The following CALN1 variants were observed in gnomAD, a reference collection of about 807,000 sequenced individuals.
CALN1 encodes calneuron 1.
CALN1 carries 17 observed loss-of-function variants against 30.6 expected under a neutral mutation model. The observed-to-expected ratio is 0.56, with a 90% CI of 0.38 to 0.83. CALN1 has a LOEUF of 0.83. Among genes scored for constraint, CALN1 ranks in the 40% least tolerant of loss-of-function variants. CALN1 has a pLI of 0.00. For missense variants in CALN1, 291 were observed against 354.9 expected, an observed-to-expected ratio of 0.82 and a Z score of 1.45; for synonymous variants, 156 against 131.4, an observed-to-expected ratio of 1.19 and a Z score of -1.28.
At chr7:71,977,963 A>G (rs2129526909) in intron 5 of CALN1, among the ~76,000 whole-genome samples, 1 of 151,634 alleles carries the variant, frequency 6.6e-6, no homozygotes, top group Non-Finnish European at 1.5e-5. Flanking sequence ...CAATGCAAAG[A>G]AAACCAAAAT....
intron 2 of CALN1, among the ~76,000 whole-genome samples, chr7:72,375,605 C>T (rs570902858): frequency 6.6e-6 from 1 of 151,254 alleles, no homozygotes; most frequent in Non-Finnish European, 1.5e-5. Flanking sequence ...ATAAAAGAAT[C>T]TGCTTTCAAA....
At chr7:72,445,019 G>A (rs569258712) in intron 1 of CALN1, among the ~76,000 whole-genome samples, 7 of 149,790 alleles carry the variant, frequency 4.7e-5, no homozygotes, top group African/African-American at 1.5e-4. Flanking sequence ...TGGGACCTGC[G>A]TACAGCTTCT....
intron 2 of CALN1, among the ~76,000 whole-genome samples, chr7:72,345,498 A>AG (rs1562909553): frequency 2.9e-5 from 4 of 139,090 alleles, no homozygotes; most frequent in African/African-American, 1.1e-4. Flanking sequence ...GGAGAGAGGG[A>AG]GAGAGGAAGG....
chr7:71,786,903 C>G lies in CALN1; in HGVS notation c.*872G>C, dbSNP rs1378089480. The G allele has an allele frequency of 6.6e-6, 1 of 152,562 alleles. No individual in the cohort carries two copies. The highest frequency in any genetic ancestry group is 1.5e-5 in the Non-Finnish European group (1 of 68,038). The allele number at this position is 152,562 out of a possible 1,614,324, so 9.5% of individuals were successfully genotyped here. ...GGATGAGTGTGGGAGGGAGGACAAG[C>G]TTATATTAGGTGTAAGCGATTAGGG... On this transcript the variant is annotated 3_prime_UTR_variant, in exon 7 of 7. Transcript: ENST00000395275.
At chr7:72,027,544 C>G (rs1228204206) in intron 4 of CALN1, among the ~76,000 whole-genome samples, 1 of 151,742 alleles carries the variant, frequency 6.6e-6, no homozygotes, top group Non-Finnish European at 1.5e-5. Context: ...AACCCCATCT[C>G]TACTAAAAAT....
intron 3 of CALN1, among the ~76,000 whole-genome samples, chr7:72,230,609 C>G (rs1364592989): frequency 6.6e-6 from 1 of 151,984 alleles, no homozygotes; most frequent in Non-Finnish European, 1.5e-5. Flanking sequence ...GAGATATGAG[C>G]TAAGGAATGC....
At chr7:72,157,570 CAG>C (rs1787788619) in intron 3 of CALN1, among the ~76,000 whole-genome samples, 3 of 148,098 alleles carry the variant, frequency 2.0e-5, no homozygotes, top group Admixed American at 6.7e-5. Context: ...TTTAGGAAGA[CAG>C]GGGAAAAAAA....
intron 3 of CALN1, among the ~76,000 whole-genome samples, chr7:72,109,085 G>A (rs557792526): frequency 3.3e-5 from 5 of 152,182 alleles, no homozygotes; most frequent in South Asian, 2.1e-4. Context: ...TGTGTTCCCC[G>A]CCCACATTGT....
intron 2 of CALN1, among the ~76,000 whole-genome samples, chr7:72,280,922 C>T (rs978661877): frequency 1.3e-5 from 2 of 152,108 alleles, no homozygotes; most frequent in African/African-American, 4.8e-5. Flanking sequence ...GCAGGTGGAT[C>T]ACCTGAGGTC....
intron 1 of CALN1, among the ~76,000 whole-genome samples, chr7:72,423,453 C>G (rs1254351359): frequency 6.6e-6 from 1 of 152,202 alleles, no homozygotes; most frequent in Non-Finnish European, 1.5e-5. Context: ...AAAGCTGTCT[C>G]TCCTCCAAAC....
chr7:71,964,371 C>G (rs1391693048), intron 5 of CALN1, among the ~76,000 whole-genome samples: 1 of 152,166 alleles, frequency 6.6e-6, no homozygotes, highest in Non-Finnish European at 1.5e-5. Flanking sequence ...ACAGTGTGCT[C>G]TTTCAGCTTT....
Position 72,102,106 on chromosome 7 carries a change from C to T in CALN1, c.388+4045G>A, listed in dbSNP as rs139952412. On this transcript the variant is annotated intron_variant, in intron 4 of 6. Coordinates refer to ENST00000395275, the MANE Select transcript of CALN1 (RefSeq NM_031468.4). The stretch of plus-strand genomic sequence containing the variant: ...GTACAATGGCACGATCTTGGCTCAC[C>T]GCAACCTCCGCCTCCTGTGCCCAGT... Among the ~76,000 whole-genome samples, 73 of 152,164 alleles carry T rather than the reference C, an allele frequency of 4.8e-4. 1 individual carries two copies. The East Asian group carries it at 0.013, about 26-fold the overall frequency.
At chr7:72,190,505 A>G (rs1204248278) in intron 3 of CALN1, among the ~76,000 whole-genome samples, 3 of 152,194 alleles carry the variant, frequency 2.0e-5, no homozygotes, top group Non-Finnish European at 4.4e-5. Flanking sequence ...ACATCTATTC[A>G]CATTTCCCAG....
chr7:71,836,542 G>A (rs1449452318), intron 5 of CALN1, among the ~76,000 whole-genome samples: 2 of 151,778 alleles, frequency 1.3e-5, no homozygotes, highest in Admixed American at 6.6e-5. Context: ...CATGCTCTCT[G>A]CACATTCAGG....
At chr7:71,803,373 A>G (rs1206267791) in intron 6 of CALN1, among the ~76,000 whole-genome samples, 1 of 152,110 alleles carries the variant, frequency 6.6e-6, no homozygotes, top group East Asian at 1.9e-4. Flanking sequence ...CTGCCTTCAA[A>G]AGGGTTTCTG....
At chr7:72,339,144 C>T (rs1186212064) in intron 2 of CALN1, among the ~76,000 whole-genome samples, 1 of 152,166 alleles carries the variant, frequency 6.6e-6, no homozygotes, top group Non-Finnish European at 1.5e-5. Context: ...TTACAAATCA[C>T]TGGATCTCAT....
At chr7:72,335,375 G>A (rs1801945012) in intron 2 of CALN1, among the ~76,000 whole-genome samples, 1 of 152,162 alleles carries the variant, frequency 6.6e-6, no homozygotes, top group Non-Finnish European at 1.5e-5. Flanking sequence ...AAAATGCTAG[G>A]AGCTCATGAG....
intron 5 of CALN1, among the ~76,000 whole-genome samples, chr7:71,964,704 T>C (rs932148548): frequency 2.6e-5 from 4 of 151,354 alleles, no homozygotes; most frequent in African/African-American, 9.8e-5. Context: ...GGAACAACCC[T>C]TTATTTCATT....
intron 5 of CALN1, among the ~76,000 whole-genome samples, chr7:71,910,685 C>A (rs1270997725): frequency 6.6e-6 from 1 of 152,284 alleles, no homozygotes; most frequent in African/African-American, 2.4e-5. Flanking sequence ...CTTACTCATT[C>A]TAGCAGATTC....
Sources: gnomAD v4.1 joint callset for allele counts (sites outside exome capture counted in the v4.1 genomes callset) on GRCh38, gnomAD v4.1.1 for gene constraint, MANE v1.5 for transcripts, NCBI Gene and HGNC (gene_info 2026-07-23, HGNC 2026-07-21) for gene names.